UMAD1: variants seen among roughly 807,000 people sequenced by gnomAD.
UMAD1 encodes UBAP1-MVB12-associated (UMA)-domain containing protein 1.
In UMAD1, 8 loss-of-function variants were observed where a neutral mutation model predicts 6.1. That is an observed-to-expected ratio of 1.30 (90% CI 0.76 to 2.35). The LOEUF is 2.35. UMAD1 is among the 30% of genes most tolerant of loss of function. UMAD1 has a pLI of 0.00. For missense variants in UMAD1, 130 were observed against 78.4 expected (o/e 1.66, Z -2.49); for synonymous variants, 56 against 31.4 (o/e 1.78, Z -2.61).
intron 2 of UMAD1, among the ~76,000 whole-genome samples, chr7:7,722,667 C>G (rs1781073002): frequency 6.6e-6 from 1 of 152,148 alleles, no homozygotes; most frequent in Non-Finnish European, 1.5e-5. Context: ...TAAGACTGCC[C>G]TCAGTGAGAG....
At chr7:7,750,767 G>C (rs1781663210) in intron 2 of UMAD1, among the ~76,000 whole-genome samples, 1 of 152,206 alleles carries the variant, frequency 6.6e-6, no homozygotes, top group South Asian at 2.1e-4. Context: ...ACATGGCGGA[G>C]CTGAGATATA....
chr7:7,660,284 G>A (rs1270253743), intron 1 of UMAD1, among the ~76,000 whole-genome samples: 1 of 152,134 alleles, frequency 6.6e-6, no homozygotes, highest in African/African-American at 2.4e-5. Context: ...TTAATTGGGG[G>A]CATTTAGCCC....
intron 3 of UMAD1, among the ~76,000 whole-genome samples, chr7:7,856,351 A>G (rs1166654160): frequency 1.3e-5 from 2 of 152,232 alleles, no homozygotes; most frequent in East Asian, 3.8e-4. Context: ...TCATGGTAGA[A>G]GGCACCTCCT....
chr7:7,757,072 C>T (rs1023044224), intron 2 of UMAD1, among the ~76,000 whole-genome samples: 3 of 152,166 alleles, frequency 2.0e-5, no homozygotes, highest in South Asian at 2.1e-4. Flanking sequence ...TGAGTTACTA[C>T]TTTTATTAAC....
chr7:7,777,307 C>A (rs143998009), intron 2 of UMAD1, among the ~76,000 whole-genome samples: 1 of 151,448 alleles, frequency 6.6e-6, no homozygotes, highest in Non-Finnish European at 1.5e-5. Context: ...GAGTTCAAGA[C>A]CAGCCTGGCC....
chr7:7,722,084 G>T (rs1452560940), intron 2 of UMAD1, among the ~76,000 whole-genome samples: 1 of 151,748 alleles, frequency 6.6e-6, no homozygotes, highest in Admixed American at 6.6e-5. Context: ...TTGCTCCTCA[G>T]CCTGCAGACG....
At chr7:7,701,223 C>A (rs1201038744) in intron 2 of UMAD1, among the ~76,000 whole-genome samples, 1 of 151,232 alleles carries the variant, frequency 6.6e-6, no homozygotes, top group Non-Finnish European at 1.5e-5. Context: ...TGAACTGTAT[C>A]ATTTCCTCTC....
chr7:7,819,362 T>A (rs1458099835), intron 3 of UMAD1, among the ~76,000 whole-genome samples: 1 of 152,238 alleles, frequency 6.6e-6, no homozygotes, highest in Non-Finnish European at 1.5e-5. Context: ...AGCAGTTGTT[T>A]ATATTACGCT....
intron 3 of UMAD1, among the ~76,000 whole-genome samples, chr7:7,867,803 A>G (rs568551644): frequency 6.6e-6 from 1 of 152,290 alleles, no homozygotes; most frequent in South Asian, 2.1e-4. Flanking sequence ...ATTTTAAAAA[A>G]TGGTTAATTG....
intron 3 of UMAD1, among the ~76,000 whole-genome samples, chr7:7,805,851 T>C (rs897174280): frequency 1.3e-5 from 2 of 152,204 alleles, no homozygotes; most frequent in African/African-American, 4.8e-5. Context: ...CCAGTCACTG[T>C]CACATAACTC....
chr7:7,663,546 G>A (rs887472528), intron 1 of UMAD1, among the ~76,000 whole-genome samples: 5 of 152,094 alleles, frequency 3.3e-5, no homozygotes, highest in South Asian at 2.1e-4. Context: ...ATACTAATTA[G>A]TAGTCTAACT....
chr7:7,774,058 G>T (rs896674754), intron 2 of UMAD1, among the ~76,000 whole-genome samples: 2 of 152,150 alleles, frequency 1.3e-5, no homozygotes, highest in Non-Finnish European at 2.9e-5. Flanking sequence ...GGCAAACCAT[G>T]GCTGCAGCTT....
intron 2 of UMAD1, among the ~76,000 whole-genome samples, chr7:7,693,427 T>C (rs1038416309): frequency 1.3e-5 from 2 of 152,156 alleles, no homozygotes; most frequent in Admixed American, 6.5e-5. Context: ...TAGTAATGTA[T>C]AGACTTTCCA....
chr7:7,661,611 G>C (rs1563095445), intron 1 of UMAD1, among the ~76,000 whole-genome samples: 1 of 152,148 alleles, frequency 6.6e-6, no homozygotes, highest in African/African-American at 2.4e-5. Context: ...TCGAGACCCT[G>C]TTTGCCTAGG....
intron 2 of UMAD1, among the ~76,000 whole-genome samples, chr7:7,681,391 G>T (rs1388580240): frequency 6.6e-6 from 1 of 152,054 alleles, no homozygotes; most frequent in Non-Finnish European, 1.5e-5. Context: ...ACTTGTTTTG[G>T]TAATAGGAAT....
At chr7:7,745,886 T>C (rs1781563967) in intron 2 of UMAD1, among the ~76,000 whole-genome samples, 1 of 152,164 alleles carries the variant, frequency 6.6e-6, no homozygotes, top group South Asian at 2.1e-4. Context: ...CCTGGGCTGT[T>C]TCTTTTCTCT....
In UMAD1 at chr7:7,679,607, A is replaced by G. The variant is rs10257941; in HGVS notation, c.82+6154A>G. Among the ~76,000 whole-genome samples the G allele has an allele frequency of 2.1e-3, 31 of 14,868 alleles. 1 individual carries two copies. Among genetic ancestry groups the G allele is most frequent in the African/African-American group, 5.8e-3 (17 of 2,922 alleles). The allele number at this position is 14,868 out of a possible 152,430, so 9.8% of individuals were successfully genotyped here. On this transcript the variant is annotated intron_variant, in intron 2 of 3. Coordinates refer to ENST00000682710, the MANE Select transcript of UMAD1 (RefSeq NM_001302348.2). ...AGATAAATATATATTTATATATTTAATTTATAGATAAATATATATTTATAT... is the reference window on the plus strand; with the variant it reads ...AGATAAATATATATTTATATATTTAGTTTATAGATAAATATATATTTATAT...
chr7:7,763,693 A>C (rs753010639), intron 2 of UMAD1, among the ~76,000 whole-genome samples: 1 of 152,360 alleles, frequency 6.6e-6, no homozygotes. Context: ...CCTGACCAAC[A>C]TGGAGAAACC....
intron 2 of UMAD1, 119 bp from the exon 3 acceptor site, chr7:7,801,551 G>A (rs1365745283): frequency 1.3e-5 from 8 of 600,766 alleles, no homozygotes; most frequent in Non-Finnish European, 2.1e-5. Context: ...AAGGGAAATA[G>A]TGGTTTCTTC....
Sources: allele counts gnomAD v4.1 joint callset (sites outside exome capture counted in the v4.1 genomes callset), GRCh38; gene constraint gnomAD v4.1.1; transcripts MANE v1.5; gene names NCBI Gene and HGNC (gene_info 2026-07-23, HGNC 2026-07-21).